Variants in SEMA5A observed in about 807,000 individuals in gnomAD.
SEMA5A encodes the protein semaphorin-5A.
SEMA5A carries 55 observed loss-of-function variants against 135.5 expected under a neutral mutation model. The observed-to-expected ratio is 0.41, with a 90% CI of 0.33 to 0.51. SEMA5A has a LOEUF of 0.51. Among genes scored for constraint, SEMA5A ranks in the 20% least tolerant of loss-of-function variants. The pLI, the probability that SEMA5A is intolerant of heterozygous loss-of-function variation, is 0.37. For synonymous variants in SEMA5A, 580 were observed against 546.5 expected, an observed-to-expected ratio of 1.06 and a Z score of -0.85; for missense variants, 1,290 against 1,419.9, an observed-to-expected ratio of 0.91 and a Z score of 1.47.
intron 5 of SEMA5A, among the ~76,000 whole-genome samples, chr5:9,267,339 T>C (rs1749738481): frequency 6.6e-6 from 1 of 152,146 alleles, no homozygotes; most frequent in African/African-American, 2.4e-5. Context: ...CCCGATCCAC[T>C]TGAAAACTCT....
chr5:9,471,499 AG>A (rs1759477678), intron 1 of SEMA5A, among the ~76,000 whole-genome samples: 1 of 152,224 alleles, frequency 6.6e-6, no homozygotes, highest in African/African-American at 2.4e-5. Flanking sequence ...AAAGACTGGA[AG>A]TTTTTCAGTA....
chr5:9,142,002 G>A (rs1488685475), intron 12 of SEMA5A, among the ~76,000 whole-genome samples: 2 of 152,178 alleles, frequency 1.3e-5, no homozygotes, highest in Admixed American at 6.5e-5. Flanking sequence ...TATCAATTCA[G>A]CACATACTTA....
At chr5:9,429,211 T>C (rs923186802) in intron 2 of SEMA5A, among the ~76,000 whole-genome samples, 3 of 152,310 alleles carry the variant, frequency 2.0e-5, no homozygotes, top group African/African-American at 7.2e-5. Context: ...CATGAATCTC[T>C]GATTGGGGTG....
At chr5:9,515,844 C>G (rs1290629587) in intron 1 of SEMA5A, among the ~76,000 whole-genome samples, 2 of 152,136 alleles carry the variant, frequency 1.3e-5, no homozygotes, top group Non-Finnish European at 2.9e-5. Context: ...TGCTAAGAAC[C>G]AAACTGTGTT....
chr5:9,054,719 C>T (rs552501615), intron 18 of SEMA5A, among the ~76,000 whole-genome samples: 4 of 152,254 alleles, frequency 2.6e-5, no homozygotes, highest in South Asian at 4.1e-4. Context: ...GTTCAAGTCA[C>T]GAGCTCCTTT....
chr5:9,125,539 C>T (rs1741061270), intron 13 of SEMA5A, among the ~76,000 whole-genome samples: 1 of 152,154 alleles, frequency 6.6e-6, no homozygotes, highest in African/African-American at 2.4e-5. Flanking sequence ...TGTTGCCCTC[C>T]CTGTGCCCAT....
At position 9,118,961 on chromosome 5, in the gene SEMA5A, T is replaced by C. The variant is rs767894383; in HGVS notation, c.1925+37A>G. 5.0e-6 allele frequency: 8 copies of C among 1,605,068 alleles called. No individual in the cohort carries two copies. In the South Asian group the frequency reaches 8.9e-5, roughly 18 times the overall value. On this transcript the variant is annotated intron_variant, in intron 15 of 22. Transcript: ENST00000382496. ...GACCTGGCCGGAATGAGAGTAAGCG[T>C]GAGGCTGGCGGTGCTGGCAGCAGGG...
intron 2 of SEMA5A, among the ~76,000 whole-genome samples, chr5:9,392,542 C>T (rs1251468653): frequency 6.6e-6 from 1 of 152,076 alleles, no homozygotes; most frequent in African/African-American, 2.4e-5. Context: ...AAATAGTTTC[C>T]AGAGGCCTTT....
chr5:9,374,423 C>T (rs1349727587), intron 3 of SEMA5A, among the ~76,000 whole-genome samples: 1 of 152,192 alleles, frequency 6.6e-6, no homozygotes, highest in East Asian at 1.9e-4. Flanking sequence ...ATACTATCTG[C>T]ATGGAAATCA....
chr5:9,160,264 G>A (rs183342787), intron 11 of SEMA5A, among the ~76,000 whole-genome samples: 68 of 152,220 alleles, frequency 4.5e-4, no homozygotes, highest in African/African-American at 1.6e-3. Context: ...GACAAGCAGA[G>A]GCACATCTGT....
intron 16 of SEMA5A, among the ~76,000 whole-genome samples, chr5:9,085,863 G>A (rs1738654118): frequency 1.3e-5 from 2 of 152,200 alleles, no homozygotes; most frequent in Admixed American, 1.3e-4. Flanking sequence ...AGGCAGCCAG[G>A]AGGGAGGCTG....
intron 5 of SEMA5A, among the ~76,000 whole-genome samples, chr5:9,275,417 G>A (rs1462195861): frequency 6.6e-6 from 1 of 152,090 alleles, no homozygotes; most frequent in Non-Finnish European, 1.5e-5. Flanking sequence ...AGAGAAGCTG[G>A]TACCATTCCT....
intron 16 of SEMA5A, among the ~76,000 whole-genome samples, chr5:9,107,936 T>C (rs976948166): frequency 6.6e-5 from 10 of 152,194 alleles, no homozygotes; most frequent in African/African-American, 2.2e-4. Context: ...CATAAGGTGT[T>C]TGCAGAGCTT....
intron 6 of SEMA5A, among the ~76,000 whole-genome samples, chr5:9,236,952 A>G (rs532374841): frequency 3.0e-4 from 46 of 152,310 alleles, no homozygotes; most frequent in African/African-American, 1.0e-3. Context: ...TTATAAATAC[A>G]GAAGGGGGAG....
chr5:9,335,022 T>C (rs931384780), intron 4 of SEMA5A, among the ~76,000 whole-genome samples: 4 of 151,964 alleles, frequency 2.6e-5, no homozygotes, highest in African/African-American at 9.7e-5. Flanking sequence ...GGATATTGAA[T>C]TGCAGATTCC....
chr5:9,145,641 C>T (rs1428368875), intron 12 of SEMA5A, among the ~76,000 whole-genome samples: 5 of 117,536 alleles, frequency 4.3e-5, no homozygotes, highest in East Asian at 2.5e-4. Context: ...AAGAAGAAAA[C>T]TTTTTTTTTT....
chr5:9,209,721 G>A (rs1746239976), intron 8 of SEMA5A, among the ~76,000 whole-genome samples: 1 of 152,166 alleles, frequency 6.6e-6, no homozygotes, highest in African/African-American at 2.4e-5. Flanking sequence ...AAGACACAGG[G>A]AGCCGACTTC....
At chr5:9,385,200 A>G (rs1755835812) in intron 2 of SEMA5A, among the ~76,000 whole-genome samples, 1 of 152,088 alleles carries the variant, frequency 6.6e-6, no homozygotes, top group Admixed American at 6.6e-5. Context: ...AATAAGTACA[A>G]CTCTGTATAG....
intron 1 of SEMA5A, among the ~76,000 whole-genome samples, chr5:9,451,914 A>C (rs1016406471): frequency 1.3e-5 from 2 of 152,196 alleles, no homozygotes; most frequent in African/African-American, 2.4e-5. Flanking sequence ...ACAAGTAAGG[A>C]CTGAAGTTCT....
Sources: allele counts gnomAD v4.1 joint callset (sites outside exome capture counted in the v4.1 genomes callset), GRCh38; gene constraint gnomAD v4.1.1; transcripts MANE v1.5; gene names NCBI Gene and HGNC (gene_info 2026-07-23, HGNC 2026-07-21).